Variants in PCDHGA6 observed in about 807,000 individuals in gnomAD.
PCDHGA6 encodes protocadherin gamma subfamily A, 6, also known as protocadherin gamma-A6.
PCDHGA6 carries 41 observed loss-of-function variants against 60.6 expected under a neutral mutation model. The ratio of observed to expected loss-of-function variants is 0.68; its 90% CI spans 0.53 to 0.88. The LOEUF (loss-of-function observed/expected upper bound fraction) is 0.88, where lower values mean the gene tolerates loss of function less well. PCDHGA6 is among the 40% of genes least tolerant of loss of function. PCDHGA6 has a pLI of 0.00. For missense variants in PCDHGA6, 1,312 were observed against 1,203.0 expected, an observed-to-expected ratio of 1.09 and a Z score of -1.34; for synonymous variants, 594 against 524.4, an observed-to-expected ratio of 1.13 and a Z score of -1.81.
At chr5:141,483,637 G>A (rs1365525499) in intron 1 of PCDHGA6, among the ~76,000 whole-genome samples, 1 of 145,878 alleles carries the variant, frequency 6.9e-6, no homozygotes, top group South Asian at 2.1e-4. Flanking sequence ...AAGGTATAGA[G>A]GGGTGTGTGT....
intron 1 of PCDHGA6, among the ~76,000 whole-genome samples, chr5:141,494,146 T>C (rs1167835696): frequency 1.3e-5 from 2 of 152,168 alleles, no homozygotes; most frequent in Non-Finnish European, 2.9e-5. Context: ...TCACAGACCA[T>C]TGTCTGGCAC....
chr5:141,417,791 C>G, intron 1 of PCDHGA6: 1 of 1,482,658 alleles, frequency 6.7e-7, no homozygotes, highest in Non-Finnish European at 9.0e-7. Context: ...GCCGAATGCT[C>G]TTTTAGCGCG....
In PCDHGA6 at chr5:141,432,068, C is replaced by G. The variant is rs1297096209; in HGVS notation, c.2424+55561C>G. ...AACCCCGCCCCTATCCACGGAAACT[C>G]ATATCTCGCTGAACGTGGCAGACAC... On this transcript the variant is annotated intron_variant, in intron 1 of 3. Transcript: ENST00000517434. The surrounding 1 kb of genome is among the most constrained non-coding windows in gnomAD (Gnocchi z 6.0). 6.2e-7 allele frequency: 1 copy of G among 1,614,210 alleles called. No individual in the cohort carries two copies. The highest frequency in any genetic ancestry group is 1.7e-5 in the Admixed American group (1 of 60,028).
rs562011010 is a variant in PCDHGA6, at chr5:141,427,600, G to A, written c.2424+51093G>A. On this transcript the variant is annotated intron_variant, in intron 1 of 3. Coordinates refer to ENST00000517434, the MANE Select transcript of PCDHGA6 (RefSeq NM_018919.3). ...TCATCCAGCACAAGCCTCACCCTAC[G>A]CATTGGTGAAGTCAACGACAATGCT... The A allele has an allele frequency of 6.7e-5, 46 of 683,296 alleles. 1 individual carries two copies. The East Asian group carries it at 1.2e-3, about 18-fold the overall frequency. 42.3% of individuals were successfully genotyped at this position (683,296 alleles called of 1,614,324 possible). A position where few individuals can be genotyped will look rare whatever the true frequency, so the allele number is the denominator to read the frequency against.
In PCDHGA6 at chr5:141,490,410, T is replaced by C. The variant is rs2099699827; in HGVS notation, c.2425-4397T>C. ...ATGGTGAAGTGAGCCTTGATATCTC[T>C]CCGGACCTGCCATTTCAGATTAAGC... On this transcript the variant is annotated intron_variant, in intron 1 of 3. Coordinates refer to ENST00000517434, the MANE Select transcript of PCDHGA6 (RefSeq NM_018919.3). The surrounding 1 kb of genome is among the most constrained non-coding windows in gnomAD (Gnocchi z 5.4). 1 of 1,614,172 alleles carries C rather than the reference T, an allele frequency of 6.2e-7. No individual in the cohort carries two copies. Among genetic ancestry groups the C allele is most frequent in the Non-Finnish European group, 8.5e-7 (1 of 1,180,042 alleles).
At position 141,476,752 on chromosome 5, in the gene PCDHGA6, A is replaced by C. The variant is rs771355583; in HGVS notation, c.2425-18055A>C. The C allele has an allele frequency of 6.2e-7, 1 of 1,613,926 alleles. No homozygotes were observed. The highest frequency in any genetic ancestry group is 1.1e-5 in the South Asian group (1 of 91,080). Reference sequence around the variant, plus strand: ...GAGAACGGGAGCCTAGTCTCCAGTTAGTGCTGACGGCGTTGGACGGAGGGA... The same window carrying C: ...GAGAACGGGAGCCTAGTCTCCAGTTCGTGCTGACGGCGTTGGACGGAGGGA... On this transcript the variant is annotated intron_variant, in intron 1 of 3. Transcript: ENST00000517434. The surrounding 1 kb of genome is among the most constrained non-coding windows in gnomAD (Gnocchi z 7.6).
At chr5:141,484,317 T>C (rs939085863) in intron 1 of PCDHGA6, among the ~76,000 whole-genome samples, 1 of 152,220 alleles carries the variant, frequency 6.6e-6, no homozygotes, top group Non-Finnish European at 1.5e-5. Context: ...CCCGCTTCCA[T>C]ACTGTCCTTG....
At chr5:141,394,859 C>G in intron 1 of PCDHGA6, 4 of 1,613,758 alleles carry the variant, frequency 2.5e-6, no homozygotes, top group Non-Finnish European at 3.4e-6. Flanking sequence ...AGCCTTCGGT[C>G]GACCCGAACG....
Position 141,415,396 on chromosome 5 carries a change from G to A in PCDHGA6, c.2424+38889G>A, listed in dbSNP as rs11575962. 4,865 of 1,614,204 alleles carry A rather than the reference G, an allele frequency of 3.0e-3. 27 individuals are homozygous for A. The highest frequency in any genetic ancestry group is 0.011 in the Admixed American group (656 of 60,024). ...AGGAGGCGGCTTGACAGGTGTGTCC[G>A]GCTCGCACTTTGTGGGCGTGGACGG... On this transcript the variant is annotated intron_variant, in intron 1 of 3. Coordinates refer to ENST00000517434, the MANE Select transcript of PCDHGA6 (RefSeq NM_018919.3).
At chr5:141,381,820 C>CT (rs1279410534) in intron 1 of PCDHGA6, among the ~76,000 whole-genome samples, 1,304 of 119,684 alleles carry the variant, frequency 0.011, 14 homozygotes, top group African/African-American at 0.028. Context: ...TTCTTTCTTT[C>CT]TTCTTCTTTT....
intron 1 of PCDHGA6, chr5:141,408,178 G>A (rs1425207794): frequency 1.3e-6 from 2 of 1,535,708 alleles, no homozygotes; most frequent in Non-Finnish European, 1.8e-6. Context: ...GAAAAGCGGG[G>A]ACCCAGCGAG....
At chr5:141,446,365 G>T (rs2098499873) in intron 1 of PCDHGA6, among the ~76,000 whole-genome samples, 1 of 152,194 alleles carries the variant, frequency 6.6e-6, no homozygotes, top group Non-Finnish European at 1.5e-5. Flanking sequence ...GATGAGAATG[G>T]AAGACTAAAG....
rs1165142153 is a variant in PCDHGA6 at position 141,402,786 on chromosome 5, G to A, written c.2424+26279G>A. On this transcript the variant is annotated intron_variant, in intron 1 of 3. Transcript: ENST00000517434. ...ACTCCATCCGGATTTCCAGTTCTGC[G>A]GCTACACAAAACCCGGCAGATACCA... 3.3e-6 allele frequency: 3 copies of A among 907,574 alleles called. No homozygotes were observed. The African/African-American group carries it at 5.0e-5, about 15-fold the overall frequency. 56.2% of individuals were successfully genotyped at this position (907,574 alleles called of 1,614,324 possible).
chr5:141,394,756 A>G (rs757241753), intron 1 of PCDHGA6: 4 of 1,613,324 alleles, frequency 2.5e-6, no homozygotes, highest in East Asian at 4.5e-5. Flanking sequence ...GCCGTCCAGG[A>G]CCATGGCCAG....
chr5:141,502,694 G>A (rs1039264846), intron 2 of PCDHGA6, among the ~76,000 whole-genome samples: 5 of 152,180 alleles, frequency 3.3e-5, no homozygotes, highest in African/African-American at 1.2e-4. Flanking sequence ...ATCCTTGCCT[G>A]TATCTGTTTT....
At chr5:141,413,658 T>G (rs2154544690) in intron 1 of PCDHGA6, 1 of 1,613,860 alleles carries the variant, frequency 6.2e-7, no homozygotes, top group East Asian at 2.2e-5. Flanking sequence ...TCCCGGAAGC[T>G]ATTGATCCGG....
intron 1 of PCDHGA6, among the ~76,000 whole-genome samples, chr5:141,443,008 T>C (rs2098358096): frequency 1.3e-5 from 2 of 152,220 alleles, no homozygotes; most frequent in Admixed American, 1.3e-4. Context: ...TCTAAGAATA[T>C]GACTAATGGA....
chr5:141,389,875 A>G (rs753159908), intron 1 of PCDHGA6: 2 of 1,613,946 alleles, frequency 1.2e-6, no homozygotes, highest in African/African-American at 2.7e-5. Flanking sequence ...GTCTTCGCCG[A>G]CAGCTTGCAG....
intron 3 of PCDHGA6, 89 bp from the exon 4 acceptor site, chr5:141,510,858 T>C (rs992991460): frequency 5.8e-5 from 93 of 1,606,182 alleles, no homozygotes; most frequent in South Asian, 1.0e-4. Flanking sequence ...GGGTGCTGTA[T>C]AGGCATTCAT....
Sources: allele counts gnomAD v4.1 joint callset (sites outside exome capture counted in the v4.1 genomes callset), GRCh38; gene constraint gnomAD v4.1.1; non-coding constraint Gnocchi (gnomAD v3.1); transcripts MANE v1.5; gene names NCBI Gene and HGNC (gene_info 2026-07-23, HGNC 2026-07-21).